The following AQP4 variants were observed in gnomAD, a reference collection of about 807,000 sequenced individuals.
AQP4 encodes the protein aquaporin 4, also known as aquaporin-4.
Under a neutral mutation model 27.8 loss-of-function variants are expected in AQP4, and 18 were observed. The observed-to-expected ratio is 0.65, with a 90% CI of 0.45 to 0.96. The LOEUF is 0.96. AQP4 is among the 40% of genes least tolerant of loss of function. The pLI, the probability that AQP4 is intolerant of heterozygous loss-of-function variation, is 0.00. For missense variants in AQP4, 412 were observed against 408.2 expected (o/e 1.01, Z -0.08); for synonymous variants, 141 against 142.9 (o/e 0.99, Z 0.10).
Position 26,862,415 on chromosome 18 carries a change from G to A in AQP4, c.214C>T (p.Leu72Phe), listed in dbSNP as rs2054967684. 1 of 1,614,236 alleles carries A rather than the reference G, an allele frequency of 6.2e-7. No homozygotes were observed. The highest frequency in any genetic ancestry group is 1.7e-5 in the Admixed American group (1 of 60,026). ...CTGAGTCCAAAGCAAAGGGAGATGA[G>A]AACCATGTCGACCGGTAAAGGCTTT... is the stretch of plus-strand genomic sequence containing the variant. ...TEKPLPVDMV[L>F]ISLCFGLSIA... The change falls in exon 2 of 5, where the codon CTC (leucine) becomes TTC (phenylalanine). Residue 72 changes from leucine (L) to phenylalanine (F), a missense_variant. By Grantham distance (22) the Leu-to-Phe change is conservative (BLOSUM62 0). Transcript: ENST00000383168.
In AQP4 at chr18:26,861,199, G is replaced by GT; in HGVS notation, c.543dup (p.Arg182ThrfsTer3). 3 of 1,614,052 alleles carry GT rather than the reference G, an allele frequency of 1.9e-6. No individual in the cohort carries two copies. Among genetic ancestry groups the GT allele is most frequent in the Non-Finnish European group, 2.5e-6 (3 of 1,179,962 alleles). ...GCTATTGAGCCAGTGACATCAGTCC[G>GT]TTTGGAATCACAGCTGGCAAAGATA... is the stretch of plus-strand genomic sequence containing the variant. On this transcript the variant is annotated frameshift_variant, in exon 3 of 5. Coordinates refer to ENST00000383168, the MANE Select transcript of AQP4 (RefSeq NM_001650.7). LOFTEE classifies it high-confidence loss of function.
Position 26,855,768 on chromosome 18 carries a change from A to G in AQP4, c.*443T>C, listed in dbSNP as rs1055818652. On this transcript the variant is annotated 3_prime_UTR_variant, in exon 5 of 5. Transcript: ENST00000383168. ...GTTATATTTTCTCTCTTGAATGTGC[A>G]TGACTGTGACATACTGTATTTTGCC... is the stretch of plus-strand genomic sequence containing the variant. 6 of 223,974 alleles carry G rather than the reference A, an allele frequency of 2.7e-5. No homozygotes were observed. The highest frequency in any genetic ancestry group is 1.4e-4 in the African/African-American group (6 of 42,868). 13.9% of individuals were successfully genotyped at this position (223,974 alleles called of 1,614,324 possible).
intron 4 of AQP4, among the ~76,000 whole-genome samples, chr18:26,860,360 C>CT (rs745963742): frequency 1.6e-4 from 24 of 151,962 alleles, no homozygotes; most frequent in East Asian, 3.9e-4. Flanking sequence ...CATTCTTTCT[C>CT]TTTTTTTTGC....
At chr18:26,865,092 C>T (rs1010027666) in intron 1 of AQP4, 6 of 152,474 alleles carry the variant, frequency 3.9e-5, no homozygotes, top group African/African-American at 1.2e-4. Flanking sequence ...GGCAGATGGA[C>T]CAGCCTCACT....
rs766479946 is a variant in AQP4 at position 26,856,317 on chromosome 18, G to A, written c.866C>T (p.Thr289Met). Residue 289 changes from threonine (T) to methionine (M), a missense_variant, in exon 5 of 5, where the codon ACG becomes ATG. Transcript: ENST00000383168. Reference sequence around the variant, plus strand: ...TCCAGGTTTTAGAATCAGGTCATCCGTCTCTACCTGACTCCTGTTGTCCTC... The same window carrying A: ...TCCAGGTTTTAGAATCAGGTCATCCATCTCTACCTGACTCCTGTTGTCCTC... The part of the protein sequence containing the change: ...EVEDNRSQVE[T>M]DDLILKPGVV... The A allele has an allele frequency of 8.1e-6, 13 of 1,614,030 alleles. No homozygotes were observed. Among genetic ancestry groups the A allele is most frequent in the South Asian group, 3.3e-5 (3 of 91,080 alleles).
At position 26,856,042 on chromosome 18, in the gene AQP4, G is replaced by T; in HGVS notation, c.*169C>A. 3 of 832,442 alleles carry T rather than the reference G, an allele frequency of 3.6e-6. No individual in the cohort carries two copies. Among genetic ancestry groups the T allele is most frequent in the Non-Finnish European group, 5.6e-6 (3 of 535,314 alleles). 51.6% of individuals were successfully genotyped at this position (832,442 alleles called of 1,614,324 possible). On this transcript the variant is annotated 3_prime_UTR_variant, in exon 5 of 5. Coordinates refer to ENST00000383168, the MANE Select transcript of AQP4 (RefSeq NM_001650.7). ...TTGGAATTCACAATAGGTTTCTTCC[G>T]TTCCTCCTTTGTAAATTATGAAATA...
chr18:26,865,360 GGTGA>G (rs2055040313), intron 1 of AQP4: 1 of 512,950 alleles, frequency 1.9e-6, no homozygotes, highest in Admixed American at 3.2e-5. Context: ...TGAGCGTCTG[GGTGA>G]GTAATTTTTC....
intron 4 of AQP4, among the ~76,000 whole-genome samples, chr18:26,860,273 A>G (rs1001200154): frequency 1.3e-5 from 2 of 152,230 alleles, no homozygotes; most frequent in African/African-American, 4.8e-5. Flanking sequence ...CAACTTACAT[A>G]CTATTAATTG....
intron 1 of AQP4, 132 bp from the exon 2 acceptor site, chr18:26,862,728 G>A: frequency 8.6e-7 from 1 of 1,164,628 alleles, no homozygotes; most frequent in Non-Finnish European, 1.3e-6. Context: ...CACCAAGAAA[G>A]AATGCTTCTG....
In AQP4 at chr18:26,852,377, A is replaced by G. The variant is rs746439382; in HGVS notation, c.*3834T>C. On this transcript the variant is annotated 3_prime_UTR_variant, in exon 5 of 5. Transcript: ENST00000383168. ...AATTAATCCTGAAGAGAACCTAGAA[A>G]TACATTCCAATGGGTTACATAAATT... is the stretch of plus-strand genomic sequence containing the variant. 1 of 153,414 alleles carries G rather than the reference A, an allele frequency of 6.5e-6. No homozygotes were observed. Among genetic ancestry groups the G allele is most frequent in the Non-Finnish European group, 1.5e-5 (1 of 68,928 alleles). 9.5% of individuals were successfully genotyped at this position (153,414 alleles called of 1,614,324 possible).
At chr18:26,857,509 G>A (rs556796247) in intron 4 of AQP4, among the ~76,000 whole-genome samples, 81 of 152,094 alleles carry the variant, frequency 5.3e-4, no homozygotes, top group African/African-American at 1.8e-3. Flanking sequence ...TGTATTTTTA[G>A]TAGAGATGGG....
rs774506954 is a variant in AQP4 at position 26,852,647 on chromosome 18, C to T, written c.*3564G>A. 58 of 393,844 alleles carry T rather than the reference C, an allele frequency of 1.5e-4. No individual in the cohort carries two copies. The highest frequency in any genetic ancestry group is 2.5e-4 in the Non-Finnish European group (56 of 223,522). The allele number at this position is 393,844 out of a possible 1,614,324, so 24.4% of individuals were successfully genotyped here. A position where few individuals can be genotyped will look rare whatever the true frequency, so the allele number is the denominator to read the frequency against. ...GGCAATCTGTAGAGTACTAAACTCA[C>T]AAAATTTGTGGTAACAAAAGAGAGT... On this transcript the variant is annotated 3_prime_UTR_variant, in exon 5 of 5. Transcript: ENST00000383168.
intron 4 of AQP4, among the ~76,000 whole-genome samples, chr18:26,856,717 A>G (rs1027375886): frequency 1.3e-5 from 2 of 152,212 alleles, no homozygotes; most frequent in African/African-American, 4.8e-5. Context: ...TTCATCTCCT[A>G]TCCTCTTTTC....
Position 26,855,996 on chromosome 18 carries a change from A to G in AQP4, c.*215T>C. 1 of 612,472 alleles carries G rather than the reference A, an allele frequency of 1.6e-6. No individual in the cohort carries two copies. Among genetic ancestry groups the G allele is most frequent in the Non-Finnish European group, 2.8e-6 (1 of 361,186 alleles). The allele number at this position is 612,472 out of a possible 1,614,324, so 37.9% of individuals were successfully genotyped here. ...TATATATTTGCTTAAGAACATTTTAAAAATATTTCTTTTTTTAGATTTGGA... is the reference window on the plus strand; with the variant it reads ...TATATATTTGCTTAAGAACATTTTAGAAATATTTCTTTTTTTAGATTTGGA... On this transcript the variant is annotated 3_prime_UTR_variant, in exon 5 of 5. Transcript: ENST00000383168.
At chr18:26,865,487 C>G (rs1271810740) in intron 1 of AQP4, 171 bp downstream of exon 1, 5 of 825,314 alleles carry the variant, frequency 6.1e-6, no homozygotes, top group African/African-American at 5.0e-5. Flanking sequence ...CTTCTACCTT[C>G]TCTATGCCTC....
At position 26,852,643 on chromosome 18, in the gene AQP4, C is replaced by G. The variant is rs117140070; in HGVS notation, c.*3568G>C. The G allele has an allele frequency of 0.012, 4,846 of 393,546 alleles. 35 individuals are homozygous for G. Among genetic ancestry groups the G allele is most frequent in the Middle Eastern group, 0.028 (43 of 1,554 alleles). 24.4% of individuals were successfully genotyped at this position (393,546 alleles called of 1,614,324 possible). On this transcript the variant is annotated 3_prime_UTR_variant, in exon 5 of 5. Transcript: ENST00000383168. The stretch of plus-strand genomic sequence containing the variant: ...ATGGGGCAATCTGTAGAGTACTAAA[C>G]TCACAAAATTTGTGGTAACAAAAGA...
At chr18:26,858,350 T>C (rs1280679173) in intron 4 of AQP4, among the ~76,000 whole-genome samples, 1 of 152,204 alleles carries the variant, frequency 6.6e-6, no homozygotes, top group African/African-American at 2.4e-5. Flanking sequence ...AGTATACTGT[T>C]TTCCACTGTA....
Position 26,862,565 on chromosome 18 carries a change from T to G in AQP4, c.64A>C (p.Ile22Leu). Reference protein sequence around the residue: ...KCGPLCTRENIMVAFKGVWTQ... With the variant: ...KCGPLCTRENLMVAFKGVWTQ... ...CAGACCCCTTTGAAAGCCACCATGA[T>G]GTTCTCTCTGGTACACAAAGGTCCA... is the stretch of plus-strand genomic sequence containing the variant. Residue 22 changes from isoleucine to leucine, a missense_variant, in exon 2 of 5, where the codon ATC becomes CTC. Physicochemically the swap from Ile to Leu is conservative, Grantham distance 5 (BLOSUM62 2). Transcript: ENST00000383168. 6.2e-7 allele frequency: 1 copy of G among 1,614,126 alleles called. No individual in the cohort carries two copies. Among genetic ancestry groups the G allele is most frequent in the Non-Finnish European group, 8.5e-7 (1 of 1,180,028 alleles).
chr18:26,857,633 A>G (rs1490979506), intron 4 of AQP4, among the ~76,000 whole-genome samples: 1 of 152,062 alleles, frequency 6.6e-6, no homozygotes, highest in Non-Finnish European at 1.5e-5. Flanking sequence ...GCCGGAAATT[A>G]TTATTACATA....
Sources: gnomAD v4.1 joint callset for allele counts (sites outside exome capture counted in the v4.1 genomes callset) on GRCh38, gnomAD v4.1.1 for gene constraint, MANE v1.5 for transcripts, NCBI Gene and HGNC (gene_info 2026-07-23, HGNC 2026-07-21) for gene names.